The following TRPC5 variants were observed in gnomAD, a reference collection of about 807,000 sequenced individuals.
The protein encoded by TRPC5 is short transient receptor potential channel 5.
TRPC5 carries 9 observed loss-of-function variants against 56.5 expected under a neutral mutation model. The observed-to-expected ratio is 0.16, with a 90% CI of 0.10 to 0.28. TRPC5 has a LOEUF of 0.28. Ranked by LOEUF, TRPC5 falls within the 10% of genes least tolerant of loss-of-function variation. The pLI, the probability that TRPC5 is intolerant of heterozygous loss-of-function variation, is 1.00. For missense variants in TRPC5, 469 were observed against 748.9 expected, an observed-to-expected ratio of 0.63 and a Z score of 4.36; for synonymous variants, 282 against 278.5, an observed-to-expected ratio of 1.01 and a Z score of -0.13.
chrX:111,888,418 T>G (rs1924611267), intron 3 of TRPC5, among the ~76,000 whole-genome samples: 1 of 106,221 alleles, frequency 9.4e-6, no homozygotes, highest in Admixed American at 1.0e-4. Flanking sequence ...CTCATGCCTG[T>G]AATCCCAGAA....
At chrX:111,789,493 A>G (rs2148554469) in intron 7 of TRPC5, among the ~76,000 whole-genome samples, 1 of 112,386 alleles carries the variant, frequency 8.9e-6, no homozygotes, top group East Asian at 2.8e-4. Context: ...ACCATTCAGG[A>G]CATAGGCATG....
intron 1 of TRPC5, among the ~76,000 whole-genome samples, chrX:111,965,018 A>G (rs1240830680): frequency 8.9e-6 from 1 of 112,088 alleles, no homozygotes; most frequent in Admixed American, 9.5e-5. Context: ...CAGTTAAAAG[A>G]CACAAACTGG....
At chrX:111,805,756 C>T (rs1178754380) in intron 7 of TRPC5, among the ~76,000 whole-genome samples, 3 of 111,000 alleles carry the variant, frequency 2.7e-5, no homozygotes, top group African/African-American at 9.9e-5. Context: ...TTACTGCAAC[C>T]TCACCTCCCA....
chrX:111,825,286 CT>C (rs1296945174), intron 7 of TRPC5, among the ~76,000 whole-genome samples: 1 of 104,187 alleles, frequency 9.6e-6, no homozygotes, highest in Non-Finnish European at 2.0e-5. Context: ...CAGTCTTGCT[CT>C]GTCACTCAGG....
chrX:111,779,568 G>T (rs1945904436), intron 9 of TRPC5, among the ~76,000 whole-genome samples: 1 of 111,889 alleles, frequency 8.9e-6, no homozygotes, highest in East Asian at 2.8e-4. Context: ...GCCCCCAGGG[G>T]AATGGTCTAC....
At chrX:112,003,152 G>A (rs909006543) in intron 1 of TRPC5, among the ~76,000 whole-genome samples, 2 of 111,830 alleles carry the variant, frequency 1.8e-5, no homozygotes, top group African/African-American at 3.2e-5. Flanking sequence ...AAAAACAGAC[G>A]TGATGCTTGC....
intron 1 of TRPC5, among the ~76,000 whole-genome samples, chrX:112,059,001 C>T (rs1446774118): frequency 9.0e-6 from 1 of 111,434 alleles, no homozygotes; most frequent in Non-Finnish European, 1.9e-5. Context: ...TCGAGAGCCT[C>T]TGGGTTTAAC....
At chrX:111,824,828 A>G (rs190488365) in intron 7 of TRPC5, among the ~76,000 whole-genome samples, 224 of 112,065 alleles carry the variant, frequency 2.0e-3, no homozygotes, top group Middle Eastern at 4.6e-3. Flanking sequence ...CCTGGGGAAT[A>G]AAGTATGGTA....
At chrX:111,777,158 TTAA>T (rs1945885521) in intron 10 of TRPC5, among the ~76,000 whole-genome samples, 156 bp from the exon 11 acceptor site, 1 of 111,826 alleles carries the variant, frequency 8.9e-6, no homozygotes, top group Non-Finnish European at 1.9e-5. Context: ...GAAAAACATA[TTAA>T]TAATTCCATG....
intron 2 of TRPC5, among the ~76,000 whole-genome samples, chrX:111,945,538 A>T (rs1355633013): frequency 9.0e-6 from 1 of 110,797 alleles, no homozygotes; most frequent in African/African-American, 3.3e-5. Context: ...TTTGGTGAGG[A>T]AAATTCTACC....
chrX:111,865,959 T>C (rs1007736321), intron 3 of TRPC5, among the ~76,000 whole-genome samples: 4 of 113,047 alleles, frequency 3.5e-5, no homozygotes, highest in African/African-American at 9.6e-5. Context: ...GGATTTTTTA[T>C]ATGCATCATC....
intron 2 of TRPC5, among the ~76,000 whole-genome samples, chrX:111,944,304 G>GTGTGAA (rs1556592186): frequency 0.048 from 3,357 of 69,994 alleles, 40 homozygotes; most frequent in Non-Finnish European, 0.068. Context: ...GTGTGTGTGT[G>GTGTGAA]AGAGAGAGAG....
In TRPC5 at chrX:111,854,118, A is replaced by G. The variant is rs774726069; in HGVS notation, c.901-12T>C. 3 of 1,192,278 alleles carry G rather than the reference A, an allele frequency of 2.5e-6. No homozygotes were observed. Among genetic ancestry groups the G allele is most frequent in the African/African-American group, 1.8e-5 (1 of 56,590 alleles). ...GGCTGAGCAACAAACTGGGAAAAGA[A>G]GAAAACAAGTTAGGCATCTGGAATG... On this transcript the variant is annotated splice_polypyrimidine_tract_variant and intron_variant, in intron 3 of 10. Transcript: ENST00000262839.
At chrX:111,860,214 T>A (rs754718852) in intron 3 of TRPC5, among the ~76,000 whole-genome samples, 1 of 112,648 alleles carries the variant, frequency 8.9e-6, no homozygotes, top group Non-Finnish European at 1.9e-5. Context: ...GGCCTACTTA[T>A]AGCCAGTTTT....
chrX:111,854,170 A>T, intron 3 of TRPC5, 64 bp from the exon 4 acceptor site: 1 of 1,084,845 alleles, frequency 9.2e-7, no homozygotes, highest in East Asian at 3.3e-5. Flanking sequence ...CTGTCATAAT[A>T]CCTTTCCTAG....
At chrX:112,081,519 C>A (rs973040295) in intron 1 of TRPC5, among the ~76,000 whole-genome samples, 1 of 111,143 alleles carries the variant, frequency 9.0e-6, no homozygotes, top group Non-Finnish European at 1.9e-5. Flanking sequence ...TTTAAGGAGG[C>A]CTGGGAGCAG....
intron 1 of TRPC5, among the ~76,000 whole-genome samples, chrX:111,970,922 C>G (rs779584902): frequency 1.8e-5 from 2 of 109,661 alleles, no homozygotes; most frequent in Non-Finnish European, 3.8e-5. Flanking sequence ...GGACTACAGG[C>G]GCCCACCACC....
chrX:111,877,058 A>G (rs1033013697), intron 3 of TRPC5, among the ~76,000 whole-genome samples: 2 of 111,678 alleles, frequency 1.8e-5, no homozygotes, highest in African/African-American at 6.5e-5. Flanking sequence ...AGAATGATCA[A>G]TCTTTGCAGT....
At chrX:111,805,781 T>C (rs1921487571) in intron 7 of TRPC5, among the ~76,000 whole-genome samples, 1 of 110,810 alleles carries the variant, frequency 9.0e-6, no homozygotes, top group South Asian at 3.8e-4. Context: ...CAAGTGATAT[T>C]CCCACCTCAA....
Sources: allele counts gnomAD v4.1 joint callset (sites outside exome capture counted in the v4.1 genomes callset), GRCh38; gene constraint gnomAD v4.1.1; transcripts MANE v1.5; gene names NCBI Gene and HGNC (gene_info 2026-07-23, HGNC 2026-07-21).